CCNF: variants seen among roughly 807,000 people sequenced by gnomAD.
CCNF encodes the protein cyclin-F.
CCNF carries 30 observed loss-of-function variants against 85.4 expected under a neutral mutation model. The ratio of observed to expected loss-of-function variants is 0.35; its 90% CI spans 0.26 to 0.48. The LOEUF (loss-of-function observed/expected upper bound fraction) is 0.48. Ranked by LOEUF, CCNF falls within the 20% of genes least tolerant of loss-of-function variation. CCNF has a pLI of 0.99. For synonymous variants in CCNF, 439 were observed against 425.1 expected (o/e 1.03, Z -0.40); for missense variants, 919 against 1,010.4 (o/e 0.91, Z 1.23).
intron 8 of CCNF, among the ~76,000 whole-genome samples, chr16:2,442,787 ATATTATAT>A (rs2065336500): frequency 4.8e-4 from 3 of 6,250 alleles, no homozygotes; most frequent in Non-Finnish European, 4.0e-4. Context: ...ATAATATTAT[ATATTATAT>A]TCTATAATAT....
At chr16:2,434,113 C>G (rs2065275867) in intron 3 of CCNF, among the ~76,000 whole-genome samples, 1 of 151,296 alleles carries the variant, frequency 6.6e-6, no homozygotes, top group Non-Finnish European at 1.5e-5. Context: ...CGAGACCAGC[C>G]CGGCCAACAT....
chr16:2,437,226 C>T lies in CCNF; in HGVS notation c.444C>T (p.Phe148=), dbSNP rs767612557. The change falls in exon 5 of 17, where the codon TTC becomes TTT. Residue 148 remains phenylalanine (F), a synonymous_variant. Coordinates refer to ENST00000397066, the MANE Select transcript of CCNF (RefSeq NM_001761.3). Reference sequence around the variant, plus strand: ...GGCTGAATGTGGGTGCCGCACCTTTCATCTGGCTCTTCATCCGCCCTCCGT... The same window carrying T: ...GGCTGAATGTGGGTGCCGCACCTTTTATCTGGCTCTTCATCCGCCCTCCGT... ...AERLNVGAAP[F]IWLFIRPPWS... is the part of the protein sequence containing the mutation. 38 of 1,612,976 alleles carry T rather than the reference C, an allele frequency of 2.4e-5. No homozygotes were observed. The highest frequency in any genetic ancestry group is 3.1e-5 in the Non-Finnish European group (36 of 1,179,644).
intron 7 of CCNF, 42 bp from the exon 8 acceptor site, chr16:2,439,707 A>G: frequency 1.3e-6 from 2 of 1,559,028 alleles, no homozygotes; most frequent in South Asian, 1.1e-5. Flanking sequence ...AGTTCCTCCC[A>G]AGACACAGTT....
intron 10 of CCNF, among the ~76,000 whole-genome samples, chr16:2,447,359 C>T (rs1283194369): frequency 6.7e-6 from 1 of 149,514 alleles, no homozygotes; most frequent in Non-Finnish European, 1.5e-5. Context: ...CTGATGTGGG[C>T]GGATCGTGAG....
chr16:2,457,161 C>T lies in CCNF; in HGVS notation c.*141C>T. 1.6e-6 allele frequency: 1 copy of T among 629,326 alleles called. No homozygotes were observed. Among genetic ancestry groups the T allele is most frequent in the East Asian group, 2.9e-5 (1 of 34,892 alleles). The allele number at this position is 629,326 out of a possible 1,614,324, so 39.0% of individuals were successfully genotyped here. ...AGGATGACTTGCGGCCACCAAGTTT[C>T]TGTCTCCGCGGGAGTCCCGTGCAAG... On this transcript the variant is annotated 3_prime_UTR_variant, in exon 17 of 17. Coordinates refer to ENST00000397066, the MANE Select transcript of CCNF (RefSeq NM_001761.3).
chr16:2,442,080 A>C (rs2065326333), intron 8 of CCNF, among the ~76,000 whole-genome samples: 2 of 143,524 alleles, frequency 1.4e-5, no homozygotes, highest in South Asian at 2.2e-4. Flanking sequence ...ATCTCGGCTC[A>C]CCACAAGCTC....
chr16:2,451,369 G>A lies in CCNF; in HGVS notation c.1487+1454G>A, dbSNP rs1173315439. On this transcript the variant is annotated intron_variant, in intron 13 of 16. Transcript: ENST00000397066. The surrounding 1 kb of genome is among the most constrained non-coding windows in gnomAD (Gnocchi z 4.3). ...GGCTGGGGGCCATGAGTGGAGTCAT[G>A]GCAGTGAGGGGTGAGGGGGACAAGC... Among the ~76,000 whole-genome samples the A allele has an allele frequency of 6.6e-6, 1 of 152,120 alleles. No homozygotes were observed. Among genetic ancestry groups the A allele is most frequent in the Non-Finnish European group, 1.5e-5 (1 of 68,004 alleles).
At position 2,452,053 on chromosome 16, in the gene CCNF, C is replaced by T. The variant is rs1023589736; in HGVS notation, c.1488-1157C>T. Among the ~76,000 whole-genome samples, 12 of 152,254 alleles carry T rather than the reference C, an allele frequency of 7.9e-5. No individual in the cohort carries two copies. The highest frequency in any genetic ancestry group is 6.2e-4 in the South Asian group (3 of 4,838). ...TGCTGCTTCTCCATCCCTGCATCCT[C>T]GTCAGTGCAGTTTCCTCGTGCGCTC... On this transcript the variant is annotated intron_variant, in intron 13 of 16. Transcript: ENST00000397066. This position sits in a 1 kb window ranked among gnomAD's most constrained non-coding sequence, Gnocchi z 4.1.
rs762484860 is a variant in CCNF at position 2,449,405 on chromosome 16, G to A, written c.1342G>A (p.Ala448Thr). The change falls in exon 12 of 17, where the codon GCC (alanine) becomes ACC (threonine). Residue 448 changes from alanine (A) to threonine (T), a missense_variant. By Grantham distance (58) the Ala-to-Thr change is moderately conservative. This residue lies in a region of CCNF where 505 missense variants were observed against 514.8 expected (regional missense o/e 0.98). Transcript: ENST00000397066. The part of the protein sequence containing the change: ...SLLHTSLSAY[A>T]PARLAAAALL... ...GCTGCACACCAGCCTGTCCGCCTAC[G>A]CCCCAGCCCGCCTGGCTGCCGCAGC... 37 of 1,611,266 alleles carry A rather than the reference G, an allele frequency of 2.3e-5. No homozygotes were observed. The highest frequency in any genetic ancestry group is 1.0e-4 in the Admixed American group (6 of 60,014).
At position 2,452,887 on chromosome 16, in the gene CCNF, G is replaced by T; in HGVS notation, c.1488-323G>T. ...GTGTCCCTGCTTTGTTCTTTTTCATGGCTGAATAATATTCCCCTGCATGGA... is the reference window on the plus strand; with the variant it reads ...GTGTCCCTGCTTTGTTCTTTTTCATTGCTGAATAATATTCCCCTGCATGGA... On this transcript the variant is annotated intron_variant, in intron 13 of 16. Coordinates refer to ENST00000397066, the MANE Select transcript of CCNF (RefSeq NM_001761.3). This position sits in a 1 kb window ranked among gnomAD's most constrained non-coding sequence, Gnocchi z 4.1. 1 of 357,820 alleles carries T rather than the reference G, an allele frequency of 2.8e-6. No homozygotes were observed. 22.2% of individuals were successfully genotyped at this position (357,820 alleles called of 1,614,324 possible).
chr16:2,455,620 C>A, intron 16 of CCNF, 56 bp downstream of exon 16: 1 of 1,533,752 alleles, frequency 6.5e-7, no homozygotes, highest in Non-Finnish European at 8.8e-7. Flanking sequence ...GTGGCTCTCA[C>A]CGAGGGCCTC....
In CCNF at chr16:2,433,059, C is replaced by T. The variant is rs2141813931; in HGVS notation, c.270C>T (p.Leu90=). ...ELWPSPGNLK[L]FERAAEKGNF... is the part of the protein sequence containing the mutation. ...GGCCGTCTCCAGGGAACCTGAAGCTCTTTGAAAGGTATCTCTGCACCCTGA... is the reference window on the plus strand; with the variant it reads ...GGCCGTCTCCAGGGAACCTGAAGCTTTTTGAAAGGTATCTCTGCACCCTGA... Residue 90 remains leucine (L), a synonymous_variant, in exon 3 of 17, where the codon CTC becomes CTT. Coordinates refer to ENST00000397066, the MANE Select transcript of CCNF (RefSeq NM_001761.3). The T allele has an allele frequency of 6.2e-7, 1 of 1,604,014 alleles. No individual in the cohort carries two copies. Among genetic ancestry groups the T allele is most frequent in the East Asian group, 2.2e-5 (1 of 44,682 alleles).
chr16:2,429,626 C>T, intron 1 of CCNF, 129 bp downstream of exon 1: 2 of 966,622 alleles, frequency 2.1e-6, no homozygotes, highest in Non-Finnish European at 2.7e-6. Context: ...GCTCTTTAAC[C>T]CGGGGCGGAT....
intron 10 of CCNF, among the ~76,000 whole-genome samples, chr16:2,446,014 G>A (rs538709929): frequency 1.7e-4 from 25 of 151,294 alleles, no homozygotes; most frequent in Admixed American, 1.0e-3. Flanking sequence ...ACAGGCACAA[G>A]CCACTGCGCC....
At chr16:2,435,402 C>A (rs2065283598) in intron 3 of CCNF, among the ~76,000 whole-genome samples, 1 of 146,846 alleles carries the variant, frequency 6.8e-6, no homozygotes, top group Non-Finnish European at 1.5e-5. Context: ...CATAGCAAGA[C>A]CCTGTCTCTA....
intron 9 of CCNF, among the ~76,000 whole-genome samples, chr16:2,444,132 G>A (rs1401515524): frequency 6.6e-6 from 1 of 151,962 alleles, no homozygotes; most frequent in Non-Finnish European, 1.5e-5. Flanking sequence ...TGTTAGCCAG[G>A]ATGGTCTCAA....
rs781741393 is a variant in CCNF at position 2,455,533 on chromosome 16, C to T, written c.1854C>T (p.Asp618=). ...ACTGCTGCTCTGGCTATGAAGGCGA[C>T]CAGGAGAGTGAGGGCGAGAAGGAGG... ...SLDCCSGYEG[D]QESEGEKEGD... The change falls in exon 16 of 17, where the codon GAC becomes GAT. Residue 618 remains aspartate, a synonymous_variant. Coordinates refer to ENST00000397066, the MANE Select transcript of CCNF (RefSeq NM_001761.3). The T allele has an allele frequency of 9.4e-6, 15 of 1,602,402 alleles. No homozygotes were observed. Among genetic ancestry groups the T allele is most frequent in the Non-Finnish European group, 1.2e-5 (14 of 1,170,786 alleles).
At position 2,456,707 on chromosome 16, in the gene CCNF, C is replaced by T. The variant is rs1194513040; in HGVS notation, c.2048C>T (p.Pro683Leu). The T allele has an allele frequency of 6.2e-7, 1 of 1,613,186 alleles. No homozygotes were observed. Among genetic ancestry groups the T allele is most frequent in the Non-Finnish European group, 8.5e-7 (1 of 1,179,686 alleles). ...ACCCAGATCCCTGCAACCCCTGGAC[C>T]CAAACCCCTGGTCCGCACCAGCCGG... ...LDTQIPATPG[P>L]KPLVRTSREP... The change falls in exon 17 of 17, where the codon CCC (proline) becomes CTC (leucine). Residue 683 changes from proline to leucine, a missense_variant. Around this residue, in one of 3 missense-constraint regions of CCNF, gnomAD observed 505 missense variants for 514.8 expected, o/e 0.98. Coordinates refer to ENST00000397066, the MANE Select transcript of CCNF (RefSeq NM_001761.3). The surrounding 1 kb of genome is among the most constrained non-coding windows in gnomAD (Gnocchi z 4.5).
chr16:2,445,355 C>T, intron 9 of CCNF, 103 bp from the exon 10 acceptor site: 1 of 1,318,360 alleles, frequency 7.6e-7, no homozygotes, highest in South Asian at 1.3e-5. Flanking sequence ...GATTCCAGAG[C>T]TAGCCAGCTT....
Sources: allele counts gnomAD v4.1 joint callset (sites outside exome capture counted in the v4.1 genomes callset), GRCh38; gene constraint gnomAD v4.1.1; regional missense constraint gnomAD v4.1.1; non-coding constraint Gnocchi (gnomAD v3.1); transcripts MANE v1.5; gene names NCBI Gene and HGNC (gene_info 2026-07-23, HGNC 2026-07-21).